NARS2: variants seen among roughly 807,000 people sequenced by gnomAD.
The protein encoded by NARS2 is asparaginyl-tRNA synthetase 2, mitochondrial.
NARS2 carries 60 observed loss-of-function variants against 62.9 expected under a neutral mutation model. That is an observed-to-expected ratio of 0.95 (90% CI 0.77 to 1.18). NARS2 has a LOEUF of 1.18. NARS2 is among the 50% of genes most tolerant of loss of function. NARS2 has a pLI of 0.00. For missense variants in NARS2, 619 were observed against 576.4 expected (o/e 1.07, Z -0.76); for synonymous variants, 196 against 200.0 (o/e 0.98, Z 0.17).
chr11:78,455,632 G>A (rs1055616214), intron 11 of NARS2, among the ~76,000 whole-genome samples: 7 of 152,014 alleles, frequency 4.6e-5, no homozygotes, highest in South Asian at 2.1e-4. Context: ...AGATCAAGTG[G>A]TATATCCAGG....
intron 11 of NARS2, among the ~76,000 whole-genome samples, chr11:78,463,061 A>G (rs1037414269): frequency 2.0e-5 from 3 of 152,120 alleles, no homozygotes; most frequent in Admixed American, 2.0e-4. Flanking sequence ...TGCCAACTTT[A>G]AAATTTAATT....
rs1268837901 is a variant in NARS2 at position 78,478,690 on chromosome 11, G to A, written c.823-7C>T. 1 of 1,573,452 alleles carries A rather than the reference G, an allele frequency of 6.4e-7. No homozygotes were observed. The highest frequency in any genetic ancestry group is 8.7e-7 in the Non-Finnish European group (1 of 1,151,196). ...TGAACAGTTCCTCTATAACCTAAGA[G>A]AAATGAAATAGAATCACCTGACACG... On this transcript the variant is annotated splice_region_variant and splice_polypyrimidine_tract_variant and intron_variant, in intron 7 of 13. Transcript: ENST00000281038.
At chr11:78,505,752 AAT>A (rs1344295415) in intron 6 of NARS2, among the ~76,000 whole-genome samples, 1 of 152,230 alleles carries the variant, frequency 6.6e-6, no homozygotes, top group African/African-American at 2.4e-5. Context: ...CTGACCTAAA[AAT>A]ACAAGCTAAG....
chr11:78,457,855 T>C (rs937594109), intron 11 of NARS2, among the ~76,000 whole-genome samples: 1 of 151,878 alleles, frequency 6.6e-6, no homozygotes, highest in Non-Finnish European at 1.5e-5. Context: ...TTGTACTTTA[T>C]CATAAGATTT....
chr11:78,574,788 A>G lies in NARS2; in HGVS notation c.-300T>C. 2.8e-6 allele frequency: 1 copy of G among 358,070 alleles called. No homozygotes were observed. Among genetic ancestry groups the G allele is most frequent in the South Asian group, 4.1e-5 (1 of 24,292 alleles). 22.2% of individuals were successfully genotyped at this position (358,070 alleles called of 1,614,324 possible). Reference sequence around the variant, plus strand: ...CACTACCCGCGACAATTGTAAACCTACGAACAGAACCCGGGCCGCAACACG... The same window carrying G: ...CACTACCCGCGACAATTGTAAACCTGCGAACAGAACCCGGGCCGCAACACG... On this transcript the variant is annotated 5_prime_UTR_variant, in exon 1 of 14. Transcript: ENST00000281038.
At chr11:78,499,170 C>T (rs1223192920) in intron 6 of NARS2, among the ~76,000 whole-genome samples, 1 of 152,132 alleles carries the variant, frequency 6.6e-6, no homozygotes, top group African/African-American at 2.4e-5. Context: ...CCTGCCTCGG[C>T]CTCCCAAAGT....
intron 11 of NARS2, among the ~76,000 whole-genome samples, chr11:78,460,148 A>G (rs1176183918): frequency 6.6e-6 from 1 of 152,274 alleles, no homozygotes; most frequent in Non-Finnish European, 1.5e-5. Context: ...AACAGACTAG[A>G]GAAGGAGACA....
chr11:78,543,135 G>A (rs1407191895), intron 5 of NARS2, among the ~76,000 whole-genome samples: 2 of 152,030 alleles, frequency 1.3e-5, no homozygotes, highest in African/African-American at 2.4e-5. Flanking sequence ...CTGAGATGGT[G>A]CCACTGCACT....
At chr11:78,442,118 T>C (rs1162980307) in intron 12 of NARS2, among the ~76,000 whole-genome samples, 1 of 152,230 alleles carries the variant, frequency 6.6e-6, no homozygotes, top group Non-Finnish European at 1.5e-5. Context: ...AAACATTTAA[T>C]GTTACGAGGA....
intron 5 of NARS2, among the ~76,000 whole-genome samples, chr11:78,534,467 A>T (rs546447765): frequency 6.6e-6 from 1 of 152,208 alleles, no homozygotes; most frequent in Non-Finnish European, 1.5e-5. Flanking sequence ...ATTTCTTGGA[A>T]TGTTGGTACA....
At chr11:78,505,985 A>G (rs548916424) in intron 6 of NARS2, among the ~76,000 whole-genome samples, 1 of 152,340 alleles carries the variant, frequency 6.6e-6, no homozygotes, top group Non-Finnish European at 1.5e-5. Flanking sequence ...CAGAATATAT[A>G]AAGAACTCTT....
chr11:78,566,066 C>G, intron 4 of NARS2, 66 bp downstream of exon 4: 3 of 1,320,026 alleles, frequency 2.3e-6, no homozygotes, highest in Non-Finnish European at 3.1e-6. Flanking sequence ...GAGAAAAAGA[C>G]ACAACTGTTT....
chr11:78,531,652 A>G (rs1450662019), intron 5 of NARS2, among the ~76,000 whole-genome samples: 1 of 152,236 alleles, frequency 6.6e-6, no homozygotes, highest in East Asian at 1.9e-4. Flanking sequence ...TGATATATAC[A>G]TAGAATGGAA....
chr11:78,552,398 G>A (rs1317844993), intron 5 of NARS2, among the ~76,000 whole-genome samples: 2 of 152,086 alleles, frequency 1.3e-5, no homozygotes, highest in African/African-American at 4.8e-5. Flanking sequence ...TGTCACTGAT[G>A]GGCACTTAGG....
At chr11:78,540,882 C>CT (rs577163746) in intron 5 of NARS2, among the ~76,000 whole-genome samples, 3 of 152,214 alleles carry the variant, frequency 2.0e-5, no homozygotes, top group African/African-American at 7.2e-5. Context: ...TTAGATAAAA[C>CT]TTTAATTTTT....
intron 10 of NARS2, among the ~76,000 whole-genome samples, chr11:78,468,983 T>TA (rs1858751869): frequency 6.6e-6 from 1 of 152,086 alleles, no homozygotes; most frequent in South Asian, 2.1e-4. Flanking sequence ...TTCATCTTCC[T>TA]AAACGTGGGA....
intron 13 of NARS2, among the ~76,000 whole-genome samples, chr11:78,440,117 G>A (rs900304251): frequency 5.9e-5 from 9 of 152,190 alleles, no homozygotes; most frequent in East Asian, 3.9e-4. Context: ...AGGCTGGAGC[G>A]CAGTGGCACG....
At chr11:78,500,482 A>AT (rs953338190) in intron 6 of NARS2, among the ~76,000 whole-genome samples, 30 of 151,232 alleles carry the variant, frequency 2.0e-4, no homozygotes, top group African/African-American at 5.6e-4. Flanking sequence ...TTATTTATTT[A>AT]TTTTTTTTTG....
At chr11:78,545,416 T>C (rs188196883) in intron 5 of NARS2, among the ~76,000 whole-genome samples, 13 of 152,294 alleles carry the variant, frequency 8.5e-5, no homozygotes, top group African/African-American at 3.1e-4. Flanking sequence ...CTTGAAAACC[T>C]GAGGCTGCTC....
Sources: gnomAD v4.1 joint callset for allele counts (sites outside exome capture counted in the v4.1 genomes callset) on GRCh38, gnomAD v4.1.1 for gene constraint, MANE v1.5 for transcripts, NCBI Gene and HGNC (gene_info 2026-07-23, HGNC 2026-07-21) for gene names.